LSAMP: variants seen among roughly 807,000 people sequenced by gnomAD.
LSAMP encodes limbic system associated membrane protein.
LSAMP carries 7 observed loss-of-function variants against 38.6 expected under a neutral mutation model. The observed-to-expected ratio is 0.18, with a 90% CI of 0.10 to 0.34. The LOEUF (loss-of-function observed/expected upper bound fraction) is 0.34. LSAMP is among the 10% of genes least tolerant of loss of function. The pLI, the probability that LSAMP is intolerant of heterozygous loss-of-function variation, is 1.00. For synonymous variants in LSAMP, 154 were observed against 166.8 expected, an observed-to-expected ratio of 0.92 and a Z score of 0.59; for missense variants, 313 against 420.0, an observed-to-expected ratio of 0.75 and a Z score of 2.23.
intron 4 of LSAMP, among the ~76,000 whole-genome samples, chr3:115,852,049 A>C (rs1220857906): frequency 1.3e-5 from 2 of 152,218 alleles, no homozygotes; most frequent in Non-Finnish European, 2.9e-5. Context: ...CCCAAGGCCA[A>C]TTATTTAAAT....
At chr3:115,978,311 T>C (rs182889965) in intron 3 of LSAMP, among the ~76,000 whole-genome samples, 300 of 152,264 alleles carry the variant, frequency 2.0e-3, no homozygotes, top group African/African-American at 6.9e-3. Flanking sequence ...GAAGAGATTA[T>C]AGATTGAAAT....
intron 1 of LSAMP, among the ~76,000 whole-genome samples, chr3:116,141,559 A>G (rs1290480995): frequency 2.0e-5 from 3 of 151,906 alleles, no homozygotes; most frequent in Non-Finnish European, 2.9e-5. Context: ...GAAAGGTCTT[A>G]GGTCCTAGGT....
chr3:116,243,320 A>G lies in LSAMP; in HGVS notation c.156-156764T>C, dbSNP rs74369012. On this transcript the variant is annotated intron_variant, in intron 1 of 6. Transcript: ENST00000490035. ...GAGCCCAGCATGAAGCCAGCTTAAT[A>G]GAGGAGTCTGGGAACCAAAGACATG... 2.4e-3 allele frequency among the ~76,000 whole-genome samples: 369 copies of G among 152,322 alleles called. 3 individuals are homozygous for G. Among genetic ancestry groups the G allele is most frequent in the African/African-American group, 8.6e-3 (356 of 41,580 alleles).
intron 1 of LSAMP, among the ~76,000 whole-genome samples, chr3:116,218,630 C>T (rs1020129098): frequency 2.6e-5 from 4 of 152,140 alleles, no homozygotes; most frequent in Non-Finnish European, 5.9e-5. Flanking sequence ...GACTACCTCT[C>T]CCTTTTACTT....
At chr3:115,952,073 T>A (rs934648392) in intron 3 of LSAMP, among the ~76,000 whole-genome samples, 7 of 152,136 alleles carry the variant, frequency 4.6e-5, no homozygotes, top group Non-Finnish European at 7.3e-5. Flanking sequence ...ATAACAGATG[T>A]TGGAATGAAT....
chr3:116,109,830 A>G (rs2107468054), intron 1 of LSAMP, among the ~76,000 whole-genome samples: 1 of 151,756 alleles, frequency 6.6e-6, no homozygotes, highest in African/African-American at 2.4e-5. Flanking sequence ...ACACGGAGGG[A>G]AGGGGTTCGG....
At position 115,982,892 on chromosome 3, in the gene LSAMP, T is replaced by C. The variant is rs531733268; in HGVS notation, c.514+36623A>G. On this transcript the variant is annotated intron_variant, in intron 3 of 6. Transcript: ENST00000490035. ...GCCTCCTCCCATGGGTGCACCGTTA[T>C]CTCTTTTCTCCGTCTTAACCAATCA... Among the ~76,000 whole-genome samples, 8 of 151,712 alleles carry C rather than the reference T, an allele frequency of 5.3e-5. No individual in the cohort carries two copies. The East Asian group carries it at 9.7e-4, about 18-fold the overall frequency.
chr3:116,415,177 G>A (rs770645928), intron 1 of LSAMP, among the ~76,000 whole-genome samples: 16 of 151,800 alleles, frequency 1.1e-4, no homozygotes, highest in Non-Finnish European at 1.8e-4. Context: ...TCTAACTAAA[G>A]GCTCTCCCTA....
chr3:115,996,149 G>A (rs1304853585), intron 3 of LSAMP, among the ~76,000 whole-genome samples: 1 of 152,034 alleles, frequency 6.6e-6, no homozygotes, highest in Non-Finnish European at 1.5e-5. Flanking sequence ...TTCCTAAAGT[G>A]TGCTAATTAA....
intron 1 of LSAMP, among the ~76,000 whole-genome samples, chr3:116,093,025 A>T (rs1235535224): frequency 5.9e-5 from 9 of 152,210 alleles, no homozygotes; most frequent in Admixed American, 5.9e-4. Context: ...ACTGATAACA[A>T]ATAAATATAT....
chr3:115,962,145 G>A (rs752804102), intron 3 of LSAMP, among the ~76,000 whole-genome samples: 4 of 152,294 alleles, frequency 2.6e-5, no homozygotes, highest in African/African-American at 7.2e-5. Context: ...CACAGCTGAC[G>A]TTTGAATTAG....
intron 3 of LSAMP, among the ~76,000 whole-genome samples, chr3:115,922,393 T>C (rs1320529226): frequency 6.6e-6 from 1 of 152,076 alleles, no homozygotes; most frequent in Non-Finnish European, 1.5e-5. Flanking sequence ...GTTCAGAGCA[T>C]TCTCCAGCTC....
At chr3:116,054,673 T>C (rs1040267250) in intron 2 of LSAMP, among the ~76,000 whole-genome samples, 6 of 152,206 alleles carry the variant, frequency 3.9e-5, no homozygotes, top group African/African-American at 1.4e-4. Flanking sequence ...TACAAATGAT[T>C]ACATGCACTA....
Position 116,444,392 on chromosome 3 carries a change from A to AC in LSAMP, c.155+484_155+485insG, listed in dbSNP as rs141638402. ...TGTGTGTGTGTGTGTTGGCATGAAAAACACACACACACACACACAGACACG... is the reference window on the plus strand; with the variant it reads ...TGTGTGTGTGTGTGTTGGCATGAAAACACACACACACACACACACAGACACG... On this transcript the variant is annotated intron_variant, in intron 1 of 6. Transcript: ENST00000490035. Among the ~76,000 whole-genome samples the AC allele has an allele frequency of 4.0e-4, 58 of 144,334 alleles. 2 individuals carry two copies. In the East Asian group the frequency reaches 7.3e-3, roughly 18 times the overall value. The allele number at this position is 144,334 out of a possible 152,430, so 94.7% of individuals were successfully genotyped here.
At chr3:116,269,111 C>T (rs1375981756) in intron 1 of LSAMP, among the ~76,000 whole-genome samples, 2 of 152,064 alleles carry the variant, frequency 1.3e-5, no homozygotes, top group East Asian at 1.9e-4. Flanking sequence ...CATCCCCTCC[C>T]ACACACCAAG....
intron 1 of LSAMP, among the ~76,000 whole-genome samples, chr3:116,219,332 T>A (rs759456704): frequency 1.3e-5 from 2 of 152,246 alleles, no homozygotes; most frequent in African/African-American, 2.4e-5. Flanking sequence ...TATGCCAAAC[T>A]GTCTTTATCT....
At chr3:115,884,713 A>G (rs1020344115) in intron 3 of LSAMP, among the ~76,000 whole-genome samples, 9 of 152,074 alleles carry the variant, frequency 5.9e-5, no homozygotes, top group African/African-American at 1.9e-4. Flanking sequence ...AGTCATCTAA[A>G]ATAAGATTGA....
intron 3 of LSAMP, among the ~76,000 whole-genome samples, chr3:115,863,741 C>T (rs984752731): frequency 6.6e-6 from 1 of 151,682 alleles, no homozygotes; most frequent in African/African-American, 2.4e-5. Context: ...TATATATTAC[C>T]TTTATAATGC....
chr3:115,911,516 T>A (rs1485266891), intron 3 of LSAMP, among the ~76,000 whole-genome samples: 3 of 152,106 alleles, frequency 2.0e-5, no homozygotes, highest in Non-Finnish European at 2.9e-5. Flanking sequence ...CACGCCTGGC[T>A]AATTTTTTGT....
Sources: allele counts gnomAD v4.1 joint callset (sites outside exome capture counted in the v4.1 genomes callset), GRCh38; gene constraint gnomAD v4.1.1; transcripts MANE v1.5; gene names NCBI Gene and HGNC (gene_info 2026-07-23, HGNC 2026-07-21).